Variants in CSMD3 observed in about 807,000 individuals in gnomAD.
CSMD3 encodes CUB and sushi domain-containing protein 3.
Under a neutral mutation model 435.2 loss-of-function variants are expected in CSMD3, and 177 were observed. The ratio of observed to expected loss-of-function variants is 0.41; its 90% confidence interval spans 0.36 to 0.46. CSMD3 has a LOEUF of 0.46. CSMD3 is among the 20% of genes least tolerant of loss of function. The probability of loss-of-function intolerance (pLI) is 0.34; values close to 1 mark genes in which losing one functional copy is unlikely to be tolerated. For missense variants in CSMD3, 4,265 were observed against 4,504.6 expected (o/e 0.95, Z 1.52); for synonymous variants, 1,656 against 1,520.5 (o/e 1.09, Z -2.07).
intron 3 of CSMD3, among the ~76,000 whole-genome samples, chr8:113,271,522 C>CGT (rs2093526783): frequency 6.6e-6 from 1 of 152,076 alleles, no homozygotes; most frequent in Non-Finnish European, 1.5e-5. Flanking sequence ...GCAGCTTACA[C>CGT]GTGATGTTGA....
chr8:112,238,444 A>G (rs773700338), intron 66 of CSMD3, among the ~76,000 whole-genome samples: 7 of 152,006 alleles, frequency 4.6e-5, no homozygotes, highest in Non-Finnish European at 8.8e-5. Flanking sequence ...ATACCCTAAG[A>G]GTTGAGTTTT....
chr8:112,465,661 A>G (rs888007319), intron 32 of CSMD3, among the ~76,000 whole-genome samples: 1 of 152,164 alleles, frequency 6.6e-6, no homozygotes, highest in African/African-American at 2.4e-5. Context: ...CTGCTAATTT[A>G]CATTAAAACA....
intron 3 of CSMD3, among the ~76,000 whole-genome samples, chr8:113,246,043 T>C (rs908610262): frequency 6.6e-6 from 1 of 152,026 alleles, no homozygotes; most frequent in East Asian, 1.9e-4. Flanking sequence ...TTCTCTCTTT[T>C]AGACTTTTGA....
chr8:112,964,867 GA>G (rs1392436631), intron 7 of CSMD3, among the ~76,000 whole-genome samples: 1 of 151,942 alleles, frequency 6.6e-6, no homozygotes, highest in Non-Finnish European at 1.5e-5. Context: ...ATTGTGAAGA[GA>G]AAAATATCCT....
At chr8:112,261,220 CAGTT>C (rs931533659) in intron 61 of CSMD3, among the ~76,000 whole-genome samples, 1 of 152,026 alleles carries the variant, frequency 6.6e-6, no homozygotes, top group African/African-American at 2.4e-5. Flanking sequence ...AGTTTGTCTT[CAGTT>C]AGTCATCATA....
chr8:112,923,680 GTTTA>G (rs1374849671), intron 9 of CSMD3, among the ~76,000 whole-genome samples: 1 of 151,926 alleles, frequency 6.6e-6, no homozygotes, highest in East Asian at 1.9e-4. Context: ...CTAATACACT[GTTTA>G]TTTGTCTCCC....
At chr8:113,215,519 T>C (rs1472232229) in intron 3 of CSMD3, among the ~76,000 whole-genome samples, 1 of 151,900 alleles carries the variant, frequency 6.6e-6, no homozygotes, top group Admixed American at 6.6e-5. Flanking sequence ...CATTATCTTC[T>C]AAATGGATAT....
intron 13 of CSMD3, among the ~76,000 whole-genome samples, chr8:112,741,810 TA>T (rs2077316264): frequency 2.0e-5 from 3 of 151,756 alleles, no homozygotes; most frequent in Non-Finnish European, 4.4e-5. Context: ...GATAGATAGA[TA>T]GATAGATAGA....
intron 13 of CSMD3, among the ~76,000 whole-genome samples, chr8:112,712,492 A>G (rs1396362474): frequency 1.3e-5 from 2 of 152,128 alleles, no homozygotes; most frequent in African/African-American, 2.4e-5. Context: ...GATTGTCAGG[A>G]CAGGAGGCCC....
chr8:112,782,859 A>G (rs2078427437), intron 13 of CSMD3, among the ~76,000 whole-genome samples: 1 of 152,114 alleles, frequency 6.6e-6, no homozygotes, highest in Non-Finnish European at 1.5e-5. Flanking sequence ...ACCTTCAAAC[A>G]TGAAGGAGAA....
intron 19 of CSMD3, 73 bp from the exon 20 acceptor site, chr8:112,645,298 C>T (rs1563806138): frequency 2.3e-6 from 2 of 852,102 alleles, no homozygotes; most frequent in Non-Finnish European, 4.1e-6. Flanking sequence ...TCTATCTCCT[C>T]TCTTGAATTG....
chr8:113,420,933 T>G (rs1481206072), intron 1 of CSMD3, among the ~76,000 whole-genome samples: 1 of 143,244 alleles, frequency 7.0e-6, no homozygotes, highest in African/African-American at 2.6e-5. Flanking sequence ...AGATTCCGTT[T>G]AAAAAAAAAA....
chr8:112,613,459 AAC>A (rs776723748), intron 22 of CSMD3, among the ~76,000 whole-genome samples: 8 of 152,154 alleles, frequency 5.3e-5, no homozygotes, highest in Non-Finnish European at 1.0e-4. Context: ...ACTTTACATA[AAC>A]AGTTTCAATT....
At chr8:112,443,625 G>A (rs977808716) in intron 32 of CSMD3, among the ~76,000 whole-genome samples, 1 of 151,724 alleles carries the variant, frequency 6.6e-6, no homozygotes, top group Non-Finnish European at 1.5e-5. Flanking sequence ...TAAAAGAAGG[G>A]AAAAAAGTAA....
rs908697171 is a variant in CSMD3, at chr8:113,004,392, G to A, written c.1030+14675C>T. ...ATTCTCACAGGAAGATACAAGTATT[G>A]CAAGGTCATCTACACACACAAAGGT... On this transcript the variant is annotated intron_variant, in intron 6 of 70. Coordinates refer to ENST00000297405, the MANE Select transcript of CSMD3 (RefSeq NM_198123.2). Among the ~76,000 whole-genome samples, 4 of 151,638 alleles carry A rather than the reference G, an allele frequency of 2.6e-5. No individual in the cohort carries two copies. In the East Asian group the frequency reaches 5.8e-4, roughly 22 times the overall value.
chr8:113,269,907 G>A (rs1221888940), intron 3 of CSMD3, among the ~76,000 whole-genome samples: 1 of 151,574 alleles, frequency 6.6e-6, no homozygotes, highest in African/African-American at 2.4e-5. Context: ...GCATGGGCAA[G>A]GACTTCATGT....
intron 5 of CSMD3, among the ~76,000 whole-genome samples, chr8:113,039,049 G>T (rs551849810): frequency 1.3e-5 from 2 of 152,134 alleles, no homozygotes; most frequent in South Asian, 4.1e-4. Context: ...TTTTAAAGCT[G>T]ATTTTTATGG....
At chr8:112,979,941 A>G (rs983042206) in intron 6 of CSMD3, among the ~76,000 whole-genome samples, 1 of 151,150 alleles carries the variant, frequency 6.6e-6, no homozygotes, top group South Asian at 2.1e-4. Context: ...ATTTACATAT[A>G]TAAACATGCT....
At chr8:113,331,340 T>C (rs1007581767) in intron 1 of CSMD3, among the ~76,000 whole-genome samples, 1 of 151,574 alleles carries the variant, frequency 6.6e-6, no homozygotes, top group Admixed American at 6.6e-5. Context: ...AAAAGCTTCA[T>C]TGGTGAGTTT....
Sources: gnomAD v4.1 joint callset for allele counts (sites outside exome capture counted in the v4.1 genomes callset) on GRCh38, gnomAD v4.1.1 for gene constraint, MANE v1.5 for transcripts, NCBI Gene and HGNC (gene_info 2026-07-23, HGNC 2026-07-21) for gene names.